Variants in LTBP1 observed in about 807,000 individuals in gnomAD.
LTBP1 encodes the protein latent-transforming growth factor beta-binding protein 1.
In LTBP1, 129 loss-of-function variants were observed where a neutral mutation model predicts 207.6. The observed-to-expected ratio is 0.62, with a 90% confidence interval of 0.54 to 0.72. The LOEUF (loss-of-function observed/expected upper bound fraction) is 0.72. Among genes scored for constraint, LTBP1 ranks in the 30% least tolerant of loss-of-function variants. The pLI, the probability that LTBP1 is intolerant of heterozygous loss-of-function variation, is 0.00. For synonymous variants in LTBP1, 963 were observed against 833.7 expected (o/e 1.16, Z -2.67); for missense variants, 2,281 against 2,217.2 (o/e 1.03, Z -0.58).
chr2:33,250,764 AC>A (rs200866557), intron 10 of LTBP1, among the ~76,000 whole-genome samples: 4,073 of 152,170 alleles, frequency 0.027, 80 homozygotes, highest in Non-Finnish European at 0.041. Flanking sequence ...AGGTACCACC[AC>A]CATTGGCACC....
At chr2:33,137,940 G>A (rs527739491) in intron 5 of LTBP1, among the ~76,000 whole-genome samples, 1 of 152,162 alleles carries the variant, frequency 6.6e-6, no homozygotes, top group African/African-American at 2.4e-5. Flanking sequence ...GTTGTGTCTT[G>A]TGGGAAGGCT....
At chr2:33,039,600 A>C (rs574910474) in intron 3 of LTBP1, among the ~76,000 whole-genome samples, 1 of 152,216 alleles carries the variant, frequency 6.6e-6, no homozygotes, top group East Asian at 1.9e-4. Context: ...AAAATCAACT[A>C]TATTTTTGGC....
chr2:33,100,039 G>C (rs919512278), intron 3 of LTBP1, among the ~76,000 whole-genome samples: 2 of 152,208 alleles, frequency 1.3e-5, no homozygotes, highest in Non-Finnish European at 2.9e-5. Flanking sequence ...GCAATGCAGT[G>C]GGAGAATAAT....
At chr2:33,110,463 G>A in intron 3 of LTBP1, 119 bp from the exon 4 acceptor site, 1 of 875,510 alleles carries the variant, frequency 1.1e-6, no homozygotes, top group South Asian at 1.9e-5. Flanking sequence ...GAAAAAAAAT[G>A]AGCCTTGCTT....
At chr2:32,977,912 T>C (rs141009705) in intron 2 of LTBP1, among the ~76,000 whole-genome samples, 77 of 152,350 alleles carry the variant, frequency 5.1e-4, no homozygotes, top group African/African-American at 1.6e-3. Flanking sequence ...GTTTTGTAGT[T>C]TTCATTGTAG....
rs539561344 is a variant in LTBP1, at chr2:33,160,102, C to T, written c.1201+25142C>T. 2.0e-5 allele frequency among the ~76,000 whole-genome samples: 3 copies of T among 152,168 alleles called. No homozygotes were observed. In the South Asian group the frequency reaches 6.2e-4, roughly 31 times the overall value. ...CCGAGTTGGCCAGGCTGGTCTTGAA[C>T]TCCTGACCTCAAGTGGTCCGCCCAC... On this transcript the variant is annotated intron_variant, in intron 5 of 33. Coordinates refer to ENST00000404816, the MANE Select transcript of LTBP1 (RefSeq NM_206943.4).
intron 5 of LTBP1, among the ~76,000 whole-genome samples, chr2:33,138,588 A>G (rs530230073): frequency 7.9e-5 from 12 of 152,184 alleles, no homozygotes; most frequent in African/African-American, 2.9e-4. Context: ...GCTAAAATGC[A>G]GATGACCTTC....
chr2:33,181,228 A>G (rs145629599), intron 5 of LTBP1, among the ~76,000 whole-genome samples: 231 of 152,350 alleles, frequency 1.5e-3, no homozygotes, highest in African/African-American at 5.2e-3. Context: ...CAGGAAAGAA[A>G]GAGGCAGGGT....
intron 4 of LTBP1, among the ~76,000 whole-genome samples, chr2:33,119,470 T>A (rs188718351): frequency 6.6e-6 from 1 of 152,336 alleles, no homozygotes; most frequent in African/African-American, 2.4e-5. Flanking sequence ...ATTAGATTCC[T>A]TATAGAAGAG....
At chr2:33,202,485 C>G (rs1045166539) in intron 7 of LTBP1, among the ~76,000 whole-genome samples, 6 of 152,202 alleles carry the variant, frequency 3.9e-5, no homozygotes. Context: ...CTCTCCTGTC[C>G]TGGCAACGTG....
intron 11 of LTBP1, among the ~76,000 whole-genome samples, chr2:33,254,067 G>A (rs1371057863): frequency 1.3e-5 from 2 of 151,510 alleles, no homozygotes; most frequent in East Asian, 3.9e-4. Flanking sequence ...TTTTCTTTTT[G>A]TATTTTTAGT....
chr2:33,058,502 C>T (rs1444708024), intron 3 of LTBP1, among the ~76,000 whole-genome samples: 1 of 152,192 alleles, frequency 6.6e-6, no homozygotes, highest in East Asian at 1.9e-4. Flanking sequence ...TTCCTGTTTT[C>T]CCTTTTTCTC....
intron 9 of LTBP1, among the ~76,000 whole-genome samples, chr2:33,231,041 C>A (rs145999471): frequency 6.6e-6 from 1 of 152,158 alleles, no homozygotes; most frequent in South Asian, 2.1e-4. Context: ...AAACATTAAT[C>A]GCTGGGGCAC....
rs77945112 is a variant in LTBP1, at chr2:32,999,301, T to A, written c.566-21608T>A. Among the ~76,000 whole-genome samples, 1,073 of 152,300 alleles carry A rather than the reference T, an allele frequency of 7.0e-3. 3 individuals are homozygous for A. The highest frequency in any genetic ancestry group is 0.02 in the Middle Eastern group (6 of 294). On this transcript the variant is annotated intron_variant, in intron 2 of 33. Coordinates refer to ENST00000404816, the MANE Select transcript of LTBP1 (RefSeq NM_206943.4). Reference sequence around the variant, plus strand: ...CTAGATAGTCGTTTTCTTTCCGGGATGTGCATTTTAACCCGAGATGCCTTA... The same window carrying A: ...CTAGATAGTCGTTTTCTTTCCGGGAAGTGCATTTTAACCCGAGATGCCTTA...
chr2:32,947,843 GC>G, intron 1 of LTBP1, 25 bp downstream of exon 1: 1 of 1,279,380 alleles, frequency 7.8e-7, no homozygotes, highest in Non-Finnish European at 9.9e-7. Context: ...CCTTCCGCCC[GC>G]CCGCCCGCCT....
intron 19 of LTBP1, among the ~76,000 whole-genome samples, chr2:33,292,038 G>C (rs2093784818): frequency 6.6e-6 from 1 of 152,138 alleles, no homozygotes; most frequent in Non-Finnish European, 1.5e-5. Context: ...TATTGTATGT[G>C]TAGTTTTAGC....
chr2:33,043,214 A>G (rs952756168), intron 3 of LTBP1, among the ~76,000 whole-genome samples: 20 of 152,184 alleles, frequency 1.3e-4, no homozygotes, highest in African/African-American at 4.6e-4. Flanking sequence ...AATTAGGTAT[A>G]CATTAAAGTA....
At chr2:33,273,925 CA>C in intron 16 of LTBP1, 144 bp downstream of exon 16, 14 of 543,734 alleles carry the variant, frequency 2.6e-5, no homozygotes, top group Non-Finnish European at 3.7e-5. Flanking sequence ...TAAGGGAGCT[CA>C]AAAAAAGGTT....
intron 22 of LTBP1, among the ~76,000 whole-genome samples, chr2:33,303,631 T>A (rs1186615350): frequency 6.6e-6 from 1 of 152,126 alleles, no homozygotes; most frequent in Non-Finnish European, 1.5e-5. Context: ...ATTACAGGCG[T>A]GAGCCACCGC....
Sources: gnomAD v4.1 joint callset for allele counts (sites outside exome capture counted in the v4.1 genomes callset) on GRCh38, gnomAD v4.1.1 for gene constraint, MANE v1.5 for transcripts, NCBI Gene and HGNC (gene_info 2026-07-23, HGNC 2026-07-21) for gene names.